The following TTF1 variants were observed in gnomAD, a reference collection of about 807,000 sequenced individuals.
The protein encoded by TTF1 is transcription termination factor 1, also known as transcription termination factor, RNA polymerase I.
In TTF1, 64 loss-of-function variants were observed where a neutral mutation model predicts 80.2. The ratio of observed to expected loss-of-function variants is 0.80; its 90% CI spans 0.65 to 0.98. The LOEUF is 0.98. Ranked by LOEUF, TTF1 falls within the 50% of genes least tolerant of loss-of-function variation. TTF1 has a pLI of 0.00. For missense variants in TTF1, 1,023 were observed against 1,086.2 expected (o/e 0.94, Z 0.82); for synonymous variants, 372 against 382.7 (o/e 0.97, Z 0.33).
At chr9:132,398,032 C>A in intron 4 of TTF1, 109 bp downstream of exon 4, 1 of 830,822 alleles carries the variant, frequency 1.2e-6, no homozygotes, top group South Asian at 2.2e-5. Context: ...AGTTAATGTG[C>A]GCCGCCTGCA....
chr9:132,398,063 G>T, intron 4 of TTF1, 78 bp downstream of exon 4: 1 of 1,279,926 alleles, frequency 7.8e-7, no homozygotes, highest in Non-Finnish European at 1.1e-6. Flanking sequence ...CAGGTACCGT[G>T]CTAACACTTA....
At chr9:132,393,152 G>T (rs185839741) in intron 5 of TTF1, among the ~76,000 whole-genome samples, 99 of 152,342 alleles carry the variant, frequency 6.5e-4, no homozygotes, top group African/African-American at 2.2e-3. Flanking sequence ...ACAGACAAAA[G>T]ATGGCTTTAC....
chr9:132,380,793 G>GT (rs1363218511), intron 9 of TTF1, among the ~76,000 whole-genome samples: 26 of 152,146 alleles, frequency 1.7e-4, no homozygotes, highest in African/African-American at 5.8e-4. Context: ...ATTTCAAATA[G>GT]TATTTGACTA....
In TTF1 at chr9:132,401,999, ACTT is replaced by A; in HGVS notation, c.820_822del (p.Lys274del). The A allele has an allele frequency of 1.2e-6, 2 of 1,610,986 alleles. No individual in the cohort carries two copies. The highest frequency in any genetic ancestry group is 1.7e-4 in the Middle Eastern group (1 of 6,060). ...GACTTTTTCTTCTTTTTTTTCTTAG[ACTT>A]TTTTTTGTGAGTAGGTCCTAGTAGT... On this transcript the variant is annotated inframe_deletion, in exon 2 of 11. Transcript: ENST00000334270.
intron 5 of TTF1, 139 bp downstream of exon 5, chr9:132,396,294 C>G (rs1849646308): frequency 1.2e-6 from 1 of 838,998 alleles, no homozygotes; most frequent in Non-Finnish European, 1.9e-6. Context: ...ACACATTTGA[C>G]AACAAATACA....
At chr9:132,386,366 G>T (rs2131629042) in intron 9 of TTF1, among the ~76,000 whole-genome samples, 190 bp downstream of exon 9, 1 of 152,268 alleles carries the variant, frequency 6.6e-6, no homozygotes, top group East Asian at 1.9e-4. Flanking sequence ...CGTATACACT[G>T]CTCCTAAAAT....
intron 5 of TTF1, among the ~76,000 whole-genome samples, chr9:132,394,836 T>C (rs945836478): frequency 8.0e-5 from 12 of 150,246 alleles, no homozygotes; most frequent in Admixed American, 1.3e-4. Context: ...GAGGTTCCAA[T>C]GAGCCGAGTT....
intron 7 of TTF1, among the ~76,000 whole-genome samples, chr9:132,389,268 C>T (rs1356809965): frequency 2.6e-5 from 4 of 151,316 alleles, no homozygotes; most frequent in Middle Eastern, 6.8e-3. Context: ...CTGTAACCTC[C>T]GCCTCTTGGG....
At chr9:132,376,606 G>T (rs112322009) in intron 10 of TTF1, among the ~76,000 whole-genome samples, 19 of 152,024 alleles carry the variant, frequency 1.2e-4, no homozygotes, top group African/African-American at 4.6e-4. Context: ...TCTGGACTCG[G>T]TCTAGAGACT....
At chr9:132,377,229 G>A (rs1849200714) in intron 10 of TTF1, among the ~76,000 whole-genome samples, 1 of 147,382 alleles carries the variant, frequency 6.8e-6, no homozygotes, top group African/African-American at 2.5e-5. Context: ...GTGAGTGCAT[G>A]TGGTGTGAGT....
chr9:132,381,021 C>G (rs965204052), intron 9 of TTF1, among the ~76,000 whole-genome samples: 12 of 152,034 alleles, frequency 7.9e-5, no homozygotes, highest in Admixed American at 3.3e-4. Flanking sequence ...AAGCGATCCT[C>G]CCACTTCAGC....
In TTF1 at chr9:132,386,567, A is replaced by G; in HGVS notation, c.2367T>C (p.Ala789=). 1 of 1,611,984 alleles carries G rather than the reference A, an allele frequency of 6.2e-7. No individual in the cohort carries two copies. Among genetic ancestry groups the G allele is most frequent in the South Asian group, 1.1e-5 (1 of 90,970 alleles). ...ACAAATGGTCTTACCCTATGGCACT[A>G]GCAAGATCTTCCCAGTCTATTTCAT... ...DTNEIDWEDL[A]SAIGDVPPSY... The change falls in exon 9 of 11, where the codon GCT becomes GCC. Residue 789 remains alanine, a synonymous_variant. Transcript: ENST00000334270.
At position 132,396,479 on chromosome 9, in the gene TTF1, A is replaced by G. The variant is rs1371778594; in HGVS notation, c.1810T>C (p.Tyr604His). ...TCGAACATCTTCTTTGCTCGATAGT[A>G]TATAAGTTTCCAGGGCCGGGCAATG... Reference protein sequence around the residue: ...RNIARPWKLIYYRAKKMFDVN... With the variant: ...RNIARPWKLIHYRAKKMFDVN... The change falls in exon 5 of 11, where the codon TAC becomes CAC. Residue 604 changes from tyrosine to histidine, a missense_variant. By Grantham distance (83) the Tyr-to-His change is moderately conservative. Transcript: ENST00000334270. 2 of 1,614,038 alleles carry G rather than the reference A, an allele frequency of 1.2e-6. No homozygotes were observed. The highest frequency in any genetic ancestry group is 1.7e-6 in the Non-Finnish European group (2 of 1,180,030).
At chr9:132,401,220 G>A (rs1051930254) in intron 2 of TTF1, among the ~76,000 whole-genome samples, 1 of 152,052 alleles carries the variant, frequency 6.6e-6, no homozygotes, top group African/African-American at 2.4e-5. Context: ...CAGCTACTCA[G>A]GAGGCTGAGG....
In TTF1 at chr9:132,406,587, A is replaced by C. The variant is rs150012026; in HGVS notation, c.-8+203T>G. Among the ~76,000 whole-genome samples, 457 of 144,254 alleles carry C rather than the reference A, an allele frequency of 3.2e-3. 2 individuals carry two copies. Among genetic ancestry groups the C allele is most frequent in the African/African-American group, 0.011 (444 of 38,780 alleles). The allele number at this position is 144,254 out of a possible 152,430, so 94.6% of individuals were successfully genotyped here. A position where few individuals can be genotyped will look rare whatever the true frequency, so the allele number is the denominator to read the frequency against. On this transcript the variant is annotated intron_variant, in intron 1 of 10. Transcript: ENST00000334270. Reference sequence around the variant, plus strand: ...ACCGCACTCCAGCCTGGGCGACAAGAGCAAAACTCCATCTTTAAAAAAAAA... The same window carrying C: ...ACCGCACTCCAGCCTGGGCGACAAGCGCAAAACTCCATCTTTAAAAAAAAA...
chr9:132,398,231 C>T lies in TTF1; in HGVS notation c.1687G>A (p.Ala563Thr), dbSNP rs747232147. 1.2e-6 allele frequency: 2 copies of T among 1,606,754 alleles called. No individual in the cohort carries two copies. The highest frequency in any genetic ancestry group is 1.1e-5 in the South Asian group (1 of 89,746). The change falls in exon 4 of 11, where the codon GCA (alanine) becomes ACA (threonine). Residue 563 changes from alanine to threonine, a missense_variant. Physicochemically the swap from Ala to Thr is moderately conservative, Grantham distance 58. Transcript: ENST00000334270. ...CTGTCCGTGTACAGCAGCTTGTCTG[C>T]ACTCTCAATGCCTGTCAGGGCTAGA... Reference protein sequence around the residue: ...DFLALTGIESADKLLYTDRYP... With the variant: ...DFLALTGIESTDKLLYTDRYP...
At chr9:132,400,332 T>A in intron 2 of TTF1, 74 bp from the exon 3 acceptor site, 1 of 1,273,380 alleles carries the variant, frequency 7.9e-7, no homozygotes. Flanking sequence ...TTTTTCCTTC[T>A]TTTTTTTCGT....
At chr9:132,377,437 GTGCA>G (rs1166298235) in intron 10 of TTF1, among the ~76,000 whole-genome samples, 4 of 126,426 alleles carry the variant, frequency 3.2e-5, no homozygotes, top group African/African-American at 9.3e-5. Flanking sequence ...TGTGGTGTGA[GTGCA>G]TGCATGTGGT....
chr9:132,378,749 C>T (rs541743261), intron 10 of TTF1, among the ~76,000 whole-genome samples: 2 of 151,658 alleles, frequency 1.3e-5, no homozygotes, highest in South Asian at 4.2e-4. Flanking sequence ...GTGTGGTGCA[C>T]GGGCATGTCA....
Sources: allele counts gnomAD v4.1 joint callset (sites outside exome capture counted in the v4.1 genomes callset), GRCh38; gene constraint gnomAD v4.1.1; transcripts MANE v1.5; gene names NCBI Gene and HGNC (gene_info 2026-07-23, HGNC 2026-07-21).